Variants in MKLN1 observed in about 807,000 individuals in gnomAD.
MKLN1 encodes muskelin.
MKLN1 carries 18 observed loss-of-function variants against 99.0 expected under a neutral mutation model. That is an observed-to-expected ratio of 0.18 (90% CI 0.13 to 0.27). The LOEUF is 0.27. Among genes scored for constraint, MKLN1 ranks in the 10% least tolerant of loss-of-function variants. The pLI, the probability that MKLN1 is intolerant of heterozygous loss-of-function variation, is 1.00. For missense variants in MKLN1, 621 were observed against 875.9 expected, an observed-to-expected ratio of 0.71 and a Z score of 3.67; for synonymous variants, 288 against 293.2, an observed-to-expected ratio of 0.98 and a Z score of 0.18.
At chr7:131,383,165 A>G (rs1390165561) in intron 2 of MKLN1, among the ~76,000 whole-genome samples, 1 of 152,086 alleles carries the variant, frequency 6.6e-6, no homozygotes, top group African/African-American at 2.4e-5. Context: ...ATGTTTCTCT[A>G]CTTGTCCTAG....
chr7:131,328,129 A>C, intron 1 of MKLN1, 132 bp downstream of exon 1: 1 of 1,135,484 alleles, frequency 8.8e-7, no homozygotes. Flanking sequence ...CGGCCTCCGG[A>C]GTCTTAGTTC....
intron 1 of MKLN1, among the ~76,000 whole-genome samples, chr7:131,343,137 GC>G (rs1403760750): frequency 9.2e-5 from 14 of 152,206 alleles, no homozygotes; most frequent in Non-Finnish European, 1.9e-4. Flanking sequence ...GATGAGCTAT[GC>G]CTTCCTTTGG....
At chr7:131,389,078 AT>A in intron 4 of MKLN1, 106 bp downstream of exon 4, 1 of 632,272 alleles carries the variant, frequency 1.6e-6, no homozygotes. Context: ...TTTAAATACA[AT>A]TTTATGGGAA....
At chr7:131,399,504 A>G (rs528357434) in intron 6 of MKLN1, 71 bp downstream of exon 6, 42 of 1,276,236 alleles carry the variant, frequency 3.3e-5, no homozygotes, top group Non-Finnish European at 4.7e-5. Flanking sequence ...AAAATAATAT[A>G]GGCTTATGCC....
At chr7:131,480,494 C>T (rs1305702231) in intron 17 of MKLN1, among the ~76,000 whole-genome samples, 5 of 152,116 alleles carry the variant, frequency 3.3e-5, no homozygotes, top group Admixed American at 2.6e-4. Context: ...TGAGGCTTCT[C>T]GACTGATCAA....
chr7:131,263,304 G>GACCAGCCTGGACAATAT (rs375307862), intron 3 of MKLN1, among the ~76,000 whole-genome samples: 70 of 150,952 alleles, frequency 4.6e-4, no homozygotes, highest in African/African-American at 1.6e-3. Context: ...AGAAGTTCAA[G>GACCAGCCTGGACAATAT]ACCAGCCTGG....
Position 131,489,581 on chromosome 7 carries a change from T to G in MKLN1, c.*1853T>G, listed in dbSNP as rs1486251492. The stretch of plus-strand genomic sequence containing the variant: ...AATCAGAAGATTGACAAGGAAGAAC[T>G]TGAGCTTGCTAAATAAGACTTCCTA... On this transcript the variant is annotated 3_prime_UTR_variant, in exon 18 of 18. Transcript: ENST00000352689. 6.6e-6 allele frequency: 1 copy of G among 152,164 alleles called. No homozygotes were observed. The highest frequency in any genetic ancestry group is 1.5e-5 in the Non-Finnish European group (1 of 68,018). 9.4% of individuals were successfully genotyped at this position (152,164 alleles called of 1,614,324 possible).
chr7:131,238,260 C>T (rs1797353696), intron 3 of MKLN1, among the ~76,000 whole-genome samples: 1 of 152,140 alleles, frequency 6.6e-6, no homozygotes, highest in Admixed American at 6.5e-5. Context: ...TGGATATTAG[C>T]TTCATATAAG....
At chr7:131,160,462 CTA>C (rs1796029549) in intron 2 of MKLN1, among the ~76,000 whole-genome samples, 1 of 148,104 alleles carries the variant, frequency 6.8e-6, no homozygotes, top group Non-Finnish European at 1.5e-5. Flanking sequence ...TAAGGGAACT[CTA>C]TGTTTAACTT....
intron 2 of MKLN1, among the ~76,000 whole-genome samples, chr7:131,378,572 G>A (rs562595796): frequency 6.6e-6 from 1 of 152,316 alleles, no homozygotes; most frequent in East Asian, 1.9e-4. Flanking sequence ...GCTCATGCCT[G>A]TAATCCTACC....
intron 3 of MKLN1, among the ~76,000 whole-genome samples, chr7:131,311,402 T>C (rs926051293): frequency 6.6e-6 from 1 of 152,190 alleles, no homozygotes; most frequent in Non-Finnish European, 1.5e-5. Context: ...ATCATAATTA[T>C]GACTGATAAC....
intron 3 of MKLN1, among the ~76,000 whole-genome samples, chr7:131,244,499 C>T (rs956957700): frequency 6.6e-6 from 1 of 152,162 alleles, no homozygotes; most frequent in Non-Finnish European, 1.5e-5. Context: ...ATTAGCGGAA[C>T]TCAGAATGCC....
At chr7:131,315,888 A>T (rs187138500) in intron 3 of MKLN1, among the ~76,000 whole-genome samples, 137 of 152,314 alleles carry the variant, frequency 9.0e-4, no homozygotes, top group Non-Finnish European at 1.7e-3. Context: ...CAAAGGTAAC[A>T]GCCCCAGTCA....
chr7:131,472,879 C>T (rs890959669), intron 16 of MKLN1, among the ~76,000 whole-genome samples: 36 of 143,042 alleles, frequency 2.5e-4, no homozygotes, highest in African/African-American at 9.1e-4. Flanking sequence ...ACCCGGGATG[C>T]GGAGCTTGCA....
intron 2 of MKLN1, among the ~76,000 whole-genome samples, chr7:131,158,013 T>G (rs767944294): frequency 2.0e-4 from 30 of 152,216 alleles, no homozygotes; most frequent in Non-Finnish European, 3.5e-4. Context: ...CTATCCATGC[T>G]GCAGTGGGAA....
chr7:131,438,795 T>G (rs1025452545), intron 10 of MKLN1, among the ~76,000 whole-genome samples: 3 of 152,028 alleles, frequency 2.0e-5, no homozygotes, highest in Non-Finnish European at 4.4e-5. Flanking sequence ...ATAAATTATC[T>G]AGTATTTGGG....
intron 4 of MKLN1, among the ~76,000 whole-genome samples, chr7:131,396,581 A>T (rs769890600): frequency 1.2e-4 from 19 of 152,108 alleles, no homozygotes; most frequent in Non-Finnish European, 2.4e-4. Context: ...GATGCTTTTT[A>T]AAAAAATCTA....
intron 1 of MKLN1, among the ~76,000 whole-genome samples, chr7:131,361,591 C>T: frequency 6.7e-6 from 1 of 149,526 alleles, no homozygotes; most frequent in Admixed American, 6.7e-5. Flanking sequence ...TTTTTTCTGG[C>T]TTTCTTTTTT....
At chr7:131,392,335 A>G (rs1271935405) in intron 4 of MKLN1, among the ~76,000 whole-genome samples, 5 of 152,176 alleles carry the variant, frequency 3.3e-5, no homozygotes, top group Admixed American at 1.3e-4. Context: ...CTCTGGCTGG[A>G]TGCAGCATGA....
Sources: allele counts gnomAD v4.1 joint callset (sites outside exome capture counted in the v4.1 genomes callset), GRCh38; gene constraint gnomAD v4.1.1; transcripts MANE v1.5; gene names NCBI Gene and HGNC (gene_info 2026-07-23, HGNC 2026-07-21).